YWHAZ: variants seen among roughly 807,000 people sequenced by gnomAD.
YWHAZ encodes tyrosine 3-monooxygenase/tryptophan 5-monooxygenase activation protein zeta.
For missense variants in YWHAZ, 79 were observed against 284.8 expected (o/e 0.28, Z 5.20); for synonymous variants, 87 against 103.6 (o/e 0.84, Z 0.97).
chr8:100,929,720 G>GTA (rs140933049), intron 2 of YWHAZ, among the ~76,000 whole-genome samples: 19 of 152,286 alleles, frequency 1.2e-4, no homozygotes, highest in Admixed American at 2.0e-4. Flanking sequence ...AGGCAATTAA[G>GTA]TATGTTGCTT....
intron 1 of YWHAZ, chr8:100,950,423 T>A (rs545021537): frequency 2.3e-4 from 231 of 985,404 alleles, no homozygotes; most frequent in Non-Finnish European, 2.7e-4. Flanking sequence ...GAGACGTCGG[T>A]TACTGTGAAA....
At chr8:100,936,052 A>G (rs946577492) in intron 2 of YWHAZ, among the ~76,000 whole-genome samples, 1 of 152,128 alleles carries the variant, frequency 6.6e-6, no homozygotes, top group Non-Finnish European at 1.5e-5. Context: ...TTGTACATTC[A>G]CCTCAGTCCT....
chr8:100,941,214 T>A (rs901927427), intron 2 of YWHAZ, among the ~76,000 whole-genome samples: 3 of 152,228 alleles, frequency 2.0e-5, no homozygotes, highest in African/African-American at 4.8e-5. Flanking sequence ...GTAGGTATTT[T>A]GCATAATATT....
At chr8:100,939,358 A>G (rs1408550489) in intron 2 of YWHAZ, among the ~76,000 whole-genome samples, 2 of 152,122 alleles carry the variant, frequency 1.3e-5, no homozygotes, top group Admixed American at 6.5e-5. Context: ...AGAAGGAATC[A>G]GTGTTTTAAG....
Position 100,924,164 on chromosome 8 carries a change from G to T in YWHAZ, c.553C>A (p.Pro185Thr). 1 of 1,613,162 alleles carries T rather than the reference G, an allele frequency of 6.2e-7. No individual in the cohort carries two copies. The highest frequency in any genetic ancestry group is 8.5e-7 in the Non-Finnish European group (1 of 1,179,720). The change falls in exon 4 of 6, where the codon CCA (proline) becomes ACA (threonine). Residue 185 changes from proline (P) to threonine (T), a missense_variant. Coordinates refer to ENST00000395958, the MANE Select transcript of YWHAZ (RefSeq NM_145690.3). The surrounding 1 kb of genome is among the most constrained non-coding windows in gnomAD (Gnocchi z 5.7). ...TTTGCAAGAGAGCAGGCTTTCTCTG[G>T]GGAGTTCAGAATCTCATAATAGAAC... ...SVFYYEILNS[P>T]EKACSLAKTA...
chr8:100,940,576 T>A (rs1406351906), intron 2 of YWHAZ, among the ~76,000 whole-genome samples: 3 of 152,256 alleles, frequency 2.0e-5, no homozygotes, highest in Non-Finnish European at 4.4e-5. Flanking sequence ...ATAAAAAATT[T>A]CAGCTTTCTA....
intron 2 of YWHAZ, among the ~76,000 whole-genome samples, chr8:100,935,662 A>G (rs1301894486): frequency 6.6e-6 from 1 of 152,196 alleles, no homozygotes; most frequent in Non-Finnish European, 1.5e-5. Context: ...AGAAGAACCT[A>G]AGAAAAATCC....
At chr8:100,930,465 G>C (rs1813687948) in intron 2 of YWHAZ, among the ~76,000 whole-genome samples, 1 of 152,174 alleles carries the variant, frequency 6.6e-6, no homozygotes, top group Admixed American at 6.5e-5. Context: ...AATTATCACA[G>C]TACCTTAAGT....
At chr8:100,920,915 A>C (rs1380627437) in intron 5 of YWHAZ, among the ~76,000 whole-genome samples, 163 bp from the exon 6 acceptor site, 1 of 152,104 alleles carries the variant, frequency 6.6e-6, no homozygotes, top group Non-Finnish European at 1.5e-5. Context: ...TCAATATACA[A>C]ATTTACTTTT....
chr8:100,952,767 CCCGCCCGCCGCT>C (rs1238300119), upstream of YWHAZ: 1 of 997,228 alleles, frequency 1.0e-6, no homozygotes. Flanking sequence ...TGCCCCCCGC[CCCGCCCGCCGCT>C]CCCCTTCCCC....
intron 2 of YWHAZ, among the ~76,000 whole-genome samples, chr8:100,941,433 T>A (rs1373843637): frequency 6.6e-6 from 1 of 152,198 alleles, no homozygotes; most frequent in Non-Finnish European, 1.5e-5. Context: ...ATAACGCTAA[T>A]TTTTAAAAAC....
chr8:100,933,714 A>G lies in YWHAZ; in HGVS notation c.295-8675T>C, dbSNP rs906273379. On this transcript the variant is annotated intron_variant, in intron 2 of 5. Coordinates refer to ENST00000395958, the MANE Select transcript of YWHAZ (RefSeq NM_145690.3). Reference sequence around the variant, plus strand: ...GGGAAATATCCTAATTTCTGTCAATAAAGGACTAACGGCCAGGTGTGGTGG... The same window carrying G: ...GGGAAATATCCTAATTTCTGTCAATGAAGGACTAACGGCCAGGTGTGGTGG... 4.6e-5 allele frequency among the ~76,000 whole-genome samples: 7 copies of G among 152,154 alleles called. No individual in the cohort carries two copies. The East Asian group carries it at 5.8e-4, about 13-fold the overall frequency.
rs775558556 is a variant in YWHAZ, at chr8:100,924,323, C to A, written c.419-25G>T. 6 of 1,603,456 alleles carry A rather than the reference C, an allele frequency of 3.7e-6. No homozygotes were observed. The highest frequency in any genetic ancestry group is 5.1e-6 in the Non-Finnish European group (6 of 1,176,878). ...CCTGGATAAGACACACCAAAACGTA[C>A]TGAGATAAAGTGTGCATTATATCTT... On this transcript the variant is annotated intron_variant, in intron 3 of 5. Transcript: ENST00000395958. The surrounding 1 kb of genome is among the most constrained non-coding windows in gnomAD (Gnocchi z 5.7).
At chr8:100,950,449 C>G in intron 1 of YWHAZ, 1 of 985,544 alleles carries the variant, frequency 1.0e-6, no homozygotes, top group Non-Finnish European at 1.2e-6. Flanking sequence ...ACGGGCAGAC[C>G]CGGACTTTAA....
At chr8:100,943,075 G>A (rs1809990866) in intron 2 of YWHAZ, among the ~76,000 whole-genome samples, 1 of 152,194 alleles carries the variant, frequency 6.6e-6, no homozygotes, top group Non-Finnish European at 1.5e-5. Context: ...TGAAAATTAA[G>A]TCAAAGTTGA....
intron 2 of YWHAZ, among the ~76,000 whole-genome samples, chr8:100,939,688 T>C (rs1162404307): frequency 6.6e-6 from 1 of 150,904 alleles, no homozygotes; most frequent in African/African-American, 2.4e-5. Flanking sequence ...AAAAGGAACA[T>C]CTGAAAACAA....
In YWHAZ at chr8:100,948,798, T is replaced by G; in HGVS notation, c.92A>C (p.Glu31Ala). 6.3e-7 allele frequency: 1 copy of G among 1,599,604 alleles called. No individual in the cohort carries two copies. Among genetic ancestry groups the G allele is most frequent in the Non-Finnish European group, 8.5e-7 (1 of 1,179,952 alleles). Reference protein sequence around the residue: ...DMAACMKSVTEQGAELSNEER... With the variant: ...DMAACMKSVTAQGAELSNEER... ...CTCATTGGATAATTCAGCTCCTTGCTCAGTTACAGACTTCATGCAGGCTGC... is the reference window on the plus strand; with the variant it reads ...CTCATTGGATAATTCAGCTCCTTGCGCAGTTACAGACTTCATGCAGGCTGC... Residue 31 changes from glutamate (E) to alanine (A), a missense_variant, in exon 2 of 6, where the codon GAG becomes GCG. Transcript: ENST00000395958. This position sits in a 1 kb window ranked among gnomAD's most constrained non-coding sequence, Gnocchi z 4.2.
chr8:100,924,813 G>T lies in YWHAZ; in HGVS notation c.418+103C>A. 6.9e-7 allele frequency: 1 copy of T among 1,443,900 alleles called. No individual in the cohort carries two copies. The highest frequency in any genetic ancestry group is 9.4e-7 in the Non-Finnish European group (1 of 1,060,414). The allele number at this position is 1,443,900 out of a possible 1,614,324, so 89.4% of individuals were successfully genotyped here. ...AAAGAGCACTGCTACTCCTTATTCG[G>T]CACTCTAAGCAATTCAAAACAAGAC... On this transcript the variant is annotated intron_variant, in intron 3 of 5. Transcript: ENST00000395958. This position sits in a 1 kb window ranked among gnomAD's most constrained non-coding sequence, Gnocchi z 5.7.
intron 2 of YWHAZ, among the ~76,000 whole-genome samples, chr8:100,939,868 A>G (rs879256631): frequency 5.9e-5 from 9 of 151,312 alleles, no homozygotes; most frequent in African/African-American, 1.5e-4. Flanking sequence ...AAAAAATACA[A>G]AAGAATTAGC....
Sources: allele counts gnomAD v4.1 joint callset (sites outside exome capture counted in the v4.1 genomes callset), GRCh38; gene constraint gnomAD v4.1.1; non-coding constraint Gnocchi (gnomAD v3.1); transcripts MANE v1.5; gene names NCBI Gene and HGNC (gene_info 2026-07-23, HGNC 2026-07-21).